The following PIAS2 variants were observed in gnomAD, a reference collection of about 807,000 sequenced individuals.
PIAS2 encodes E3 SUMO-protein ligase PIAS2.
A neutral mutation model predicts 69.7 loss-of-function variants in PIAS2; 19 were observed. That is an observed-to-expected ratio of 0.27 (90% CI 0.19 to 0.40). The LOEUF (loss-of-function observed/expected upper bound fraction) is 0.40. Ranked by LOEUF, PIAS2 falls within the 10% of genes least tolerant of loss-of-function variation. The pLI is 1.00. For missense variants in PIAS2, 624 were observed against 757.0 expected, an observed-to-expected ratio of 0.82 and a Z score of 2.06; for synonymous variants, 261 against 263.2, an observed-to-expected ratio of 0.99 and a Z score of 0.08.
In PIAS2 at chr18:46,804,793, GGCAGGATCCT is replaced by G. The variant is rs1194664085; in HGVS notation, c.*7630_*7639del. 6.6e-6 allele frequency: 1 copy of G among 152,104 alleles called. No individual in the cohort carries two copies. The highest frequency in any genetic ancestry group is 1.9e-4 in the East Asian group (1 of 5,192). The allele number at this position is 152,104 out of a possible 1,614,324, so 9.4% of individuals were successfully genotyped here. ...GCTATTGGAGCACAACTTTGGTGGGGGCAGGATCCTGCCTTGTGTTCCAAGTGCCTGATAC... is the reference window on the plus strand; with the variant it reads ...GCTATTGGAGCACAACTTTGGTGGGGGCCTTGTGTTCCAAGTGCCTGATAC... On this transcript the variant is annotated 3_prime_UTR_variant, in exon 14 of 14. Coordinates refer to ENST00000585916, the MANE Select transcript of PIAS2 (RefSeq NM_004671.5).
At chr18:46,814,555 C>G (rs553614810) in intron 13 of PIAS2, among the ~76,000 whole-genome samples, 15 of 152,306 alleles carry the variant, frequency 9.8e-5, no homozygotes, top group Admixed American at 9.2e-4. Flanking sequence ...TAATCAGATA[C>G]AGAGTACTGA....
intron 1 of PIAS2, among the ~76,000 whole-genome samples, chr18:46,914,566 C>A (rs554522390): frequency 1.3e-5 from 2 of 148,184 alleles, no homozygotes; most frequent in Admixed American, 6.8e-5. Flanking sequence ...CCTCCCCCCC[C>A]CAACTCCACC....
intron 2 of PIAS2, 149 bp downstream of exon 2, chr18:46,890,431 T>A: frequency 1.7e-6 from 1 of 585,986 alleles, no homozygotes; most frequent in East Asian, 2.8e-5. Context: ...ATTTCAGTCA[T>A]GGTTGCCGAA....
chr18:46,867,964 T>C (rs2049749123), intron 2 of PIAS2, among the ~76,000 whole-genome samples: 1 of 152,188 alleles, frequency 6.6e-6, no homozygotes, highest in Non-Finnish European at 1.5e-5. Flanking sequence ...TTAGACCACA[T>C]GAAGAAGCCA....
chr18:46,848,419 G>A (rs574616525), intron 5 of PIAS2, among the ~76,000 whole-genome samples: 30 of 152,286 alleles, frequency 2.0e-4, no homozygotes, highest in African/African-American at 6.5e-4. Flanking sequence ...TTGCACAGGT[G>A]CAGGCAATGA....
intron 1 of PIAS2, among the ~76,000 whole-genome samples, chr18:46,899,734 A>G (rs187948654): frequency 6.6e-6 from 1 of 152,308 alleles, no homozygotes; most frequent in African/African-American, 2.4e-5. Flanking sequence ...CTAAAAGTGC[A>G]TAAGCCACCA....
chr18:46,831,114 T>C (rs1022785131), intron 9 of PIAS2, among the ~76,000 whole-genome samples: 1 of 152,126 alleles, frequency 6.6e-6, no homozygotes, highest in African/African-American at 2.4e-5. Context: ...AGTAAAACTG[T>C]CTCTATTTAA....
chr18:46,920,111 T>C, upstream of PIAS2: 5 of 1,289,150 alleles, frequency 3.9e-6, no homozygotes, highest in Non-Finnish European at 5.1e-6. Context: ...CCTTCCTCAA[T>C]GTGTAGCAGC....
Position 46,891,064 on chromosome 18 carries a change from A to G in PIAS2, c.25-10T>C. ...AACTAGAAACCATATTCTAAAAGGA[A>G]AGAAAAAAAAACATAAGCCAAGTCA... On this transcript the variant is annotated splice_polypyrimidine_tract_variant and intron_variant, in intron 1 of 13. Coordinates refer to ENST00000585916, the MANE Select transcript of PIAS2 (RefSeq NM_004671.5). The G allele has an allele frequency of 6.5e-7, 1 of 1,541,820 alleles. No individual in the cohort carries two copies. Among genetic ancestry groups the G allele is most frequent in the Non-Finnish European group, 8.8e-7 (1 of 1,140,006 alleles).
chr18:46,882,749 G>C (rs2052486148), intron 2 of PIAS2, among the ~76,000 whole-genome samples: 1 of 152,150 alleles, frequency 6.6e-6, no homozygotes, highest in Non-Finnish European at 1.5e-5. Context: ...CAATAAATCT[G>C]CTGTAATAAA....
chr18:46,899,195 A>T (rs1028210482), intron 1 of PIAS2, among the ~76,000 whole-genome samples: 1 of 152,234 alleles, frequency 6.6e-6, no homozygotes, highest in African/African-American at 2.4e-5. Flanking sequence ...ATGGCAGGTC[A>T]TGATGAATAA....
intron 3 of PIAS2, among the ~76,000 whole-genome samples, chr18:46,858,818 TAAGGG>T (rs930903940): frequency 6.6e-6 from 1 of 151,948 alleles, no homozygotes; most frequent in Non-Finnish European, 1.5e-5. Flanking sequence ...GAAGGCAGGA[TAAGGG>T]AAGGGGAGTT....
chr18:46,842,072 C>T (rs2045480050), intron 8 of PIAS2, among the ~76,000 whole-genome samples: 1 of 151,480 alleles, frequency 6.6e-6, no homozygotes, highest in Admixed American at 6.6e-5. Context: ...CAAAAGACAC[C>T]AAAATTAGCC....
At chr18:46,816,304 C>T (rs1198013508) in intron 12 of PIAS2, 1 of 949,628 alleles carries the variant, frequency 1.1e-6, no homozygotes, top group Non-Finnish European at 1.3e-6. Flanking sequence ...TATCTACTAA[C>T]CAGTATGAAT....
intron 12 of PIAS2, among the ~76,000 whole-genome samples, chr18:46,820,660 A>G (rs982877711): frequency 2.7e-5 from 4 of 148,684 alleles, no homozygotes; most frequent in African/African-American, 9.7e-5. Flanking sequence ...ACCAAGAAGA[A>G]GTCTCTAAGT....
At chr18:46,869,165 C>T (rs1032453700) in intron 2 of PIAS2, among the ~76,000 whole-genome samples, 20 of 152,108 alleles carry the variant, frequency 1.3e-4, no homozygotes, top group Admixed American at 1.0e-3. Context: ...GGGCTTATAC[C>T]GACACACCGA....
At position 46,810,433 on chromosome 18, in the gene PIAS2, G is replaced by C. The variant is rs552949541; in HGVS notation, c.*2000C>G. The C allele has an allele frequency of 3.9e-5, 6 of 152,112 alleles. No individual in the cohort carries two copies. Among genetic ancestry groups the C allele is most frequent in the Admixed American group, 2.6e-4 (4 of 15,270 alleles). 9.4% of individuals were successfully genotyped at this position (152,112 alleles called of 1,614,324 possible). On this transcript the variant is annotated 3_prime_UTR_variant, in exon 14 of 14. Coordinates refer to ENST00000585916, the MANE Select transcript of PIAS2 (RefSeq NM_004671.5). ...TCTGATTACAGAGTCAATAAATATT[G>C]CATCTGTATTTAGAGCAGCAACATA...
At chr18:46,875,623 C>T (rs1209195652) in intron 2 of PIAS2, among the ~76,000 whole-genome samples, 1 of 152,166 alleles carries the variant, frequency 6.6e-6, no homozygotes, top group Non-Finnish European at 1.5e-5. Flanking sequence ...GCCCAGCATT[C>T]TCCTCCCATC....
chr18:46,885,175 A>G (rs983947193), intron 2 of PIAS2, among the ~76,000 whole-genome samples: 3 of 152,192 alleles, frequency 2.0e-5, no homozygotes, highest in African/African-American at 7.2e-5. Context: ...TTGAATAGAA[A>G]TAACCCCAAG....
Sources: gnomAD v4.1 joint callset for allele counts (sites outside exome capture counted in the v4.1 genomes callset) on GRCh38, gnomAD v4.1.1 for gene constraint, MANE v1.5 for transcripts, NCBI Gene and HGNC (gene_info 2026-07-23, HGNC 2026-07-21) for gene names.